The following ZNF618 variants were observed in gnomAD, a reference collection of about 807,000 sequenced individuals.
ZNF618 encodes the protein zinc finger protein 618.
ZNF618 carries 34 observed loss-of-function variants against 103.0 expected under a neutral mutation model. That is an observed-to-expected ratio of 0.33 (90% CI 0.25 to 0.44). ZNF618 has a LOEUF of 0.44. Ranked by LOEUF, ZNF618 falls within the 20% of genes least tolerant of loss-of-function variation. ZNF618 has a pLI of 1.00. For missense variants in ZNF618, 1,059 were observed against 1,295.4 expected (o/e 0.82, Z 2.80); for synonymous variants, 551 against 542.2 (o/e 1.02, Z -0.23).
chr9:113,941,145 T>C lies in ZNF618; in HGVS notation c.34-27972T>C, dbSNP rs575525847. On this transcript the variant is annotated intron_variant, in intron 1 of 14. Coordinates refer to ENST00000374126, the MANE Select transcript of ZNF618 (RefSeq NM_001318042.2). ...TTCTCATTTCTGACATTTAAGTTTT[T>C]AACAAACTTATTTAAACTTGGGCAA... is the stretch of plus-strand genomic sequence containing the variant. Among the ~76,000 whole-genome samples the C allele has an allele frequency of 1.6e-4, 24 of 152,306 alleles. No individual in the cohort carries two copies. The South Asian group carries it at 5.0e-3, about 32-fold the overall frequency.
intron 1 of ZNF618, among the ~76,000 whole-genome samples, chr9:113,950,713 C>A (rs549391805): frequency 6.6e-6 from 1 of 152,088 alleles, no homozygotes; most frequent in Non-Finnish European, 1.5e-5. Context: ...ATGGTGGGAC[C>A]GCTGGGAAGA....
chr9:114,042,450 A>G (rs1308163542), intron 13 of ZNF618, among the ~76,000 whole-genome samples: 1 of 152,170 alleles, frequency 6.6e-6, no homozygotes, highest in African/African-American at 2.4e-5. Flanking sequence ...AGGAGGGAGG[A>G]TTGCTTGAGG....
In ZNF618 at chr9:114,050,181, G is replaced by A; in HGVS notation, c.*14G>A. The A allele has an allele frequency of 1.3e-6, 2 of 1,520,516 alleles. No individual in the cohort carries two copies. The highest frequency in any genetic ancestry group is 1.7e-6 in the Non-Finnish European group (2 of 1,143,138). 94.2% of individuals were successfully genotyped at this position (1,520,516 alleles called of 1,614,324 possible). On this transcript the variant is annotated 3_prime_UTR_variant, in exon 15 of 15. Transcript: ENST00000374126. Reference sequence around the variant, plus strand: ...AACATGCTTTAAGACTTGACTTCGGGGGAAAAAAAAAGAAAAAGAGAAGAT... The same window carrying A: ...AACATGCTTTAAGACTTGACTTCGGAGGAAAAAAAAAGAAAAAGAGAAGAT...
At chr9:113,917,538 G>A (rs1052239267) in intron 1 of ZNF618, among the ~76,000 whole-genome samples, 9 of 151,752 alleles carry the variant, frequency 5.9e-5, no homozygotes, top group African/African-American at 2.2e-4. Context: ...ATAGGCGTGA[G>A]CCACCGTGTC....
chr9:114,028,676 G>A (rs1276708176), intron 10 of ZNF618, 57 bp from the exon 11 acceptor site: 1 of 1,517,096 alleles, frequency 6.6e-7, no homozygotes, highest in Admixed American at 2.1e-5. Context: ...GGCCCGAGAG[G>A]CCACTCACTC....
chr9:113,882,238 G>C (rs1477106353), intron 1 of ZNF618, among the ~76,000 whole-genome samples: 1 of 152,222 alleles, frequency 6.6e-6, no homozygotes, highest in African/African-American at 2.4e-5. Flanking sequence ...AGCTGGGTTT[G>C]AGGTCTGCCA....
chr9:113,883,246 A>G (rs1290710038), intron 1 of ZNF618, among the ~76,000 whole-genome samples: 1 of 152,226 alleles, frequency 6.6e-6, no homozygotes, highest in Non-Finnish European at 1.5e-5. Context: ...CCCTGGAATA[A>G]TAAGTCCAAC....
In ZNF618 at chr9:114,050,330, G is replaced by A. The variant is rs998619605; in HGVS notation, c.*163G>A. The A allele has an allele frequency of 7.7e-5, 62 of 800,040 alleles. 1 individual carries two copies. The East Asian group carries it at 8.1e-4, about 10-fold the overall frequency. The allele number at this position is 800,040 out of a possible 1,614,324, so 49.6% of individuals were successfully genotyped here. On this transcript the variant is annotated 3_prime_UTR_variant, in exon 15 of 15. Transcript: ENST00000374126. ...GCTTTTTTTATATGTGTGTGTGTGC[G>A]TGTATGTACACAGCCACACGTGTGT...
At position 113,923,310 on chromosome 9, in the gene ZNF618, T is replaced by G. The variant is rs185250783; in HGVS notation, c.34-45807T>G. On this transcript the variant is annotated intron_variant, in intron 1 of 14. Transcript: ENST00000374126. ...CCTTTTCTTGTCTTACTGCATTAGC[T>G]ACGACTTCCACTATGACATTGAATA... Among the ~76,000 whole-genome samples the G allele has an allele frequency of 7.9e-5, 12 of 152,332 alleles. No individual in the cohort carries two copies. The East Asian group carries it at 2.1e-3, about 27-fold the overall frequency.
At chr9:113,992,198 G>A (rs7031814) in intron 3 of ZNF618, among the ~76,000 whole-genome samples, 89,733 of 151,896 alleles carry the variant, frequency 0.59, 26,980 homozygotes, top group Middle Eastern at 0.73. Flanking sequence ...TTGATTGTTG[G>A]TGTCTGCCCT....
At chr9:114,032,453 G>T (rs1024414440) in intron 11 of ZNF618, among the ~76,000 whole-genome samples, 192 bp from the exon 12 acceptor site, 4 of 152,120 alleles carry the variant, frequency 2.6e-5, no homozygotes, top group Admixed American at 2.6e-4. Context: ...TGCCAGGAGG[G>T]TCTCTTGGGG....
At chr9:113,889,341 C>CTCTCTT (rs1564132275) in intron 1 of ZNF618, among the ~76,000 whole-genome samples, 6 of 150,978 alleles carry the variant, frequency 4.0e-5, no homozygotes, top group African/African-American at 1.5e-4. Context: ...CTCTCTCTCT[C>CTCTCTT]TCTCTTTCTC....
chr9:113,954,788 T>C (rs1234034516), intron 1 of ZNF618, among the ~76,000 whole-genome samples: 2 of 152,200 alleles, frequency 1.3e-5, no homozygotes, highest in Admixed American at 1.3e-4. Context: ...ACCAGTAGGA[T>C]GCTCATCAGG....
At chr9:114,008,246 G>T in intron 7 of ZNF618, 98 bp from the exon 8 acceptor site, 1 of 1,537,454 alleles carries the variant, frequency 6.5e-7, no homozygotes, top group Non-Finnish European at 8.8e-7. Flanking sequence ...ATGGGGATAG[G>T]GGCTGGGAGC....
intron 1 of ZNF618, among the ~76,000 whole-genome samples, chr9:113,924,325 C>G (rs1186735078): frequency 6.6e-6 from 1 of 151,548 alleles, no homozygotes; most frequent in African/African-American, 2.4e-5. Flanking sequence ...TATAACATTC[C>G]TTTGATCATC....
At chr9:113,953,640 A>G (rs16910950) in intron 1 of ZNF618, among the ~76,000 whole-genome samples, 6,604 of 152,286 alleles carry the variant, frequency 0.043, 149 homozygotes, top group African/African-American at 0.049. Flanking sequence ...GAAGAATTAA[A>G]TGAAGTAATG....
At chr9:113,917,788 T>C (rs1237646342) in intron 1 of ZNF618, among the ~76,000 whole-genome samples, 1 of 152,194 alleles carries the variant, frequency 6.6e-6, no homozygotes, top group African/African-American at 2.4e-5. Flanking sequence ...GATTTCAGAC[T>C]CATAAAAACC....
intron 1 of ZNF618, among the ~76,000 whole-genome samples, chr9:113,911,777 A>ACAG (rs1831574431): frequency 6.6e-6 from 1 of 152,178 alleles, no homozygotes; most frequent in African/African-American, 2.4e-5. Context: ...AGGTGGCTGT[A>ACAG]CCCTCGACAG....
At chr9:113,984,591 A>G (rs889610911) in intron 2 of ZNF618, among the ~76,000 whole-genome samples, 5 of 152,172 alleles carry the variant, frequency 3.3e-5, no homozygotes, top group Non-Finnish European at 7.4e-5. Flanking sequence ...AGGAAGGGAC[A>G]CTGAATCTTT....
Sources: gnomAD v4.1 joint callset for allele counts (sites outside exome capture counted in the v4.1 genomes callset) on GRCh38, gnomAD v4.1.1 for gene constraint, MANE v1.5 for transcripts, NCBI Gene and HGNC (gene_info 2026-07-23, HGNC 2026-07-21) for gene names.